Variants in ULK1 observed in about 807,000 individuals in gnomAD.
ULK1 encodes unc-51 like autophagy activating kinase 1.
A neutral mutation model predicts 117.5 loss-of-function variants in ULK1; 48 were observed. That is an observed-to-expected ratio of 0.41 (90% CI 0.32 to 0.52). ULK1 has a LOEUF of 0.52. Ranked by LOEUF, ULK1 falls within the 20% of genes least tolerant of loss-of-function variation. The probability of loss-of-function intolerance (pLI) is 0.29; values close to 1 mark genes in which losing one functional copy is unlikely to be tolerated. For synonymous variants in ULK1, 790 were observed against 637.8 expected, an observed-to-expected ratio of 1.24 and a Z score of -3.60; for missense variants, 1,387 against 1,473.4, an observed-to-expected ratio of 0.94 and a Z score of 0.96.
chr12:131,920,879 G>A (rs1890121462), intron 26 of ULK1: 4 of 614,428 alleles, frequency 6.5e-6, no homozygotes, highest in South Asian at 4.9e-5. Flanking sequence ...CTGGGGCCGG[G>A]CTGAGAGCGC....
chr12:131,910,545 G>T (rs1323106926), intron 11 of ULK1, among the ~76,000 whole-genome samples, 167 bp from the exon 12 acceptor site: 1 of 152,128 alleles, frequency 6.6e-6, no homozygotes, highest in Non-Finnish European at 1.5e-5. Context: ...GTGCTGCCCT[G>T]TGACAGTCAT....
In ULK1 at chr12:131,916,061, C is replaced by T. The variant is rs1889767839; in HGVS notation, c.1780C>T (p.His594Tyr). ...ACAGGCCAGCCCTCCCCAGCCGTCC[C>T]ACGGCCTGCAGTCCTGCCGGAACCT... ...PPQASPPQPS[H>Y]GLQSCRNLRG... Residue 594 changes from histidine to tyrosine, a missense_variant, in exon 19 of 28, where the codon CAC becomes TAC. Coordinates refer to ENST00000321867, the MANE Select transcript of ULK1 (RefSeq NM_003565.4). The T allele has an allele frequency of 6.2e-7, 1 of 1,612,402 alleles. No individual in the cohort carries two copies. The highest frequency in any genetic ancestry group is 8.5e-7 in the Non-Finnish European group (1 of 1,179,854).
rs1288001995 is a variant in ULK1 at position 131,913,199 on chromosome 12, T to C, written c.1098T>C (p.Gly366=). ...DFVMVPAQFP[G]DLVAEAPSAK... ...GCCCAGCCTTGTCTCCCCCTGCAGG[T>C]GACCTGGTGGCTGAGGCGCCCAGTG... is the stretch of plus-strand genomic sequence containing the variant. The change falls in exon 14 of 28, where the codon GGT becomes GGC. Residue 366 remains glycine (G), a splice_region_variant and synonymous_variant. Transcript: ENST00000321867. 1 of 1,581,526 alleles carries C rather than the reference T, an allele frequency of 6.3e-7. No homozygotes were observed.
At position 131,921,505 on chromosome 12, in the gene ULK1, G is replaced by C. The variant is rs1222235959; in HGVS notation, c.*144G>C. 7.9e-7 allele frequency: 1 copy of C among 1,270,408 alleles called. No individual in the cohort carries two copies. Among genetic ancestry groups the C allele is most frequent in the Non-Finnish European group, 1.1e-6 (1 of 899,526 alleles). 78.7% of individuals were successfully genotyped at this position (1,270,408 alleles called of 1,614,324 possible). A position where few individuals can be genotyped will look rare whatever the true frequency, so the allele number is the denominator to read the frequency against. On this transcript the variant is annotated 3_prime_UTR_variant, in exon 28 of 28. Coordinates refer to ENST00000321867, the MANE Select transcript of ULK1 (RefSeq NM_003565.4). ...GGGCCCCACGGACAGTCAGCCTGCC[G>C]GCCTCCCTGCAGCTCACGGGGCAGA...
chr12:131,909,849 C>G lies in ULK1; in HGVS notation c.725+16C>G. On this transcript the variant is annotated intron_variant, in intron 9 of 27. Transcript: ENST00000321867. ...TGGTCCCCACGTAAGCACCCTCCCG[C>G]CTTCCCTTCCCTTCCCCCGCGGGCT... 1 of 1,610,496 alleles carries G rather than the reference C, an allele frequency of 6.2e-7. No individual in the cohort carries two copies. Among genetic ancestry groups the G allele is most frequent in the Non-Finnish European group, 8.5e-7 (1 of 1,178,690 alleles).
At chr12:131,907,972 G>A (rs938977415) in intron 5 of ULK1, among the ~76,000 whole-genome samples, 3 of 151,308 alleles carry the variant, frequency 2.0e-5, no homozygotes, top group African/African-American at 7.3e-5. Flanking sequence ...TCTGGGTGGG[G>A]GTCCGGGCCA....
In ULK1 at chr12:131,920,133, G is replaced by C; in HGVS notation, c.2958G>C (p.Gln986His). ...AERLIFSHAV[Q>H]MVQSAALDEM... ...GGCTCATCTTCAGCCACGCTGTGCA[G>C]ATGGTACGGGACAGACAGACACCAG... is the stretch of plus-strand genomic sequence containing the variant. The change falls in exon 26 of 28, where the codon CAG becomes CAC. Residue 986 changes from glutamine (Q) to histidine (H), a missense_variant. Coordinates refer to ENST00000321867, the MANE Select transcript of ULK1 (RefSeq NM_003565.4). The C allele has an allele frequency of 6.2e-7, 1 of 1,612,674 alleles. No homozygotes were observed. Among genetic ancestry groups the C allele is most frequent in the South Asian group, 1.1e-5 (1 of 91,068 alleles).
rs900094400 is a variant in ULK1, at chr12:131,894,652, A to C, written c.-350A>C. On this transcript the variant is annotated 5_prime_UTR_variant, in exon 1 of 28. Coordinates refer to ENST00000321867, the MANE Select transcript of ULK1 (RefSeq NM_003565.4). ...GGCTGCGCGGGCGTCTCAGGCTCTG[A>C]GGCCCGGGCGCCGCGGCTCTTTTGT... 1.3e-5 allele frequency: 2 copies of C among 149,348 alleles called. No homozygotes were observed. Among genetic ancestry groups the C allele is most frequent in the East Asian group, 4.0e-4 (2 of 4,944 alleles). 9.3% of individuals were successfully genotyped at this position (149,348 alleles called of 1,614,324 possible).
chr12:131,907,301 G>A (rs1239409578), intron 4 of ULK1, among the ~76,000 whole-genome samples, 194 bp from the exon 5 acceptor site: 1 of 152,196 alleles, frequency 6.6e-6, no homozygotes, highest in Non-Finnish European at 1.5e-5. Context: ...GATTACAGGC[G>A]TGAGCTGCCA....
chr12:131,919,537 C>T lies in ULK1; in HGVS notation c.2750C>T (p.Ala917Val). 1.2e-6 allele frequency: 2 copies of T among 1,612,222 alleles called. No homozygotes were observed. The highest frequency in any genetic ancestry group is 1.7e-6 in the Non-Finnish European group (2 of 1,179,632). ...CTACTGTCCTCCGGCCTGCAAAGTGCCATCGACCAGATCCGGGCCGGCAAG... is the reference window on the plus strand; with the variant it reads ...CTACTGTCCTCCGGCCTGCAAAGTGTCATCGACCAGATCCGGGCCGGCAAG... ...AELLSSGLQS[A>V]IDQIRAGKLC... Residue 917 changes from alanine (A) to valine (V), a missense_variant, in exon 25 of 28, where the codon GCC (alanine) becomes GTC (valine). Ala to Val is a moderately conservative substitution (Grantham distance 64). Around this residue, in one of 4 missense-constraint regions of ULK1, gnomAD observed 900 missense variants for 858.9 expected, o/e 1.05. Transcript: ENST00000321867.
intron 5 of ULK1, among the ~76,000 whole-genome samples, chr12:131,908,070 G>A (rs1889349819): frequency 6.6e-6 from 1 of 152,092 alleles, no homozygotes; most frequent in African/African-American, 2.4e-5. Context: ...GGACAGTTCC[G>A]GGGACTTGGG....
At chr12:131,915,836 GC>G in intron 18 of ULK1, 54 bp from the exon 19 acceptor site, 1 of 1,598,758 alleles carries the variant, frequency 6.3e-7, no homozygotes. Context: ...TAGCAGTGGG[GC>G]CTAGGGCTGG....
chr12:131,899,638 G>A (rs183666405), intron 3 of ULK1, among the ~76,000 whole-genome samples: 9 of 152,198 alleles, frequency 5.9e-5, no homozygotes, highest in Non-Finnish European at 1.3e-4. Flanking sequence ...CTACAGATAC[G>A]CACCACCATA....
At chr12:131,901,310 G>A (rs1160455319) in intron 3 of ULK1, among the ~76,000 whole-genome samples, 4 of 151,028 alleles carry the variant, frequency 2.6e-5, no homozygotes, top group Non-Finnish European at 4.4e-5. Flanking sequence ...AGTGAGCTGA[G>A]TTTGTGCCAC....
In ULK1 at chr12:131,921,218, T is replaced by C; in HGVS notation, c.3080T>C (p.Ile1027Thr). The change falls in exon 27 of 28, where the codon ATC (isoleucine) becomes ACC (threonine). Residue 1027 changes from isoleucine (I) to threonine (T), a missense_variant. Ile to Thr is a moderately conservative substitution (Grantham distance 89). Around this residue, in one of 4 missense-constraint regions of ULK1, gnomAD observed 900 missense variants for 858.9 expected, o/e 1.05. Coordinates refer to ENST00000321867, the MANE Select transcript of ULK1 (RefSeq NM_003565.4). ...CACATGCTCTCGGACCAGGCCGACA[T>C]CGAGAACGTCACCAAGTGTGAGTGC... ...LQHMLSDQAD[I>T]ENVTKCKLCI... is the part of the protein sequence containing the mutation. 6.2e-7 allele frequency: 1 copy of C among 1,607,074 alleles called. No individual in the cohort carries two copies. Among genetic ancestry groups the C allele is most frequent in the Non-Finnish European group, 8.5e-7 (1 of 1,179,780 alleles).
intron 3 of ULK1, among the ~76,000 whole-genome samples, chr12:131,896,071 A>G (rs1888854468): frequency 6.6e-6 from 1 of 151,992 alleles, no homozygotes; most frequent in Admixed American, 6.5e-5. Context: ...TCTCCTGAAC[A>G]GGCATCCCCT....
rs372887349 is a variant in ULK1 at position 131,903,527 on chromosome 12, C to G, written c.247-3365C>G. Among the ~76,000 whole-genome samples the G allele has an allele frequency of 1.8e-3, 280 of 152,266 alleles. No individual in the cohort carries two copies. Among genetic ancestry groups the G allele is most frequent in the African/African-American group, 6.4e-3 (267 of 41,560 alleles). On this transcript the variant is annotated intron_variant, in intron 3 of 27. Coordinates refer to ENST00000321867, the MANE Select transcript of ULK1 (RefSeq NM_003565.4). The surrounding 1 kb of genome is among the most constrained non-coding windows in gnomAD (Gnocchi z 6.0). ...GAGGCTCTCGGAGGCACGGGAAAGG[C>G]CCTGGTGTGCCCCGATGCCCAGCTC... is the stretch of plus-strand genomic sequence containing the variant.
At chr12:131,907,579 C>A in intron 5 of ULK1, 48 bp downstream of exon 5, 2 of 1,589,462 alleles carry the variant, frequency 1.3e-6, no homozygotes, top group East Asian at 2.3e-5. Flanking sequence ...TCCCACAGGG[C>A]CCGCACCCAG....
At chr12:131,917,718 C>T (rs1341782864) in intron 22 of ULK1, among the ~76,000 whole-genome samples, 164 bp downstream of exon 22, 5 of 152,192 alleles carry the variant, frequency 3.3e-5, no homozygotes, top group East Asian at 1.9e-4. Flanking sequence ...TCTGTCTCCC[C>T]GTCTGCGAAA....
Sources: allele counts gnomAD v4.1 joint callset (sites outside exome capture counted in the v4.1 genomes callset), GRCh38; gene constraint gnomAD v4.1.1; regional missense constraint gnomAD v4.1.1; non-coding constraint Gnocchi (gnomAD v3.1); transcripts MANE v1.5; gene names NCBI Gene and HGNC (gene_info 2026-07-23, HGNC 2026-07-21).